The following DIAPH2 variants were observed in gnomAD, a reference collection of about 807,000 sequenced individuals.
DIAPH2 encodes the protein diaphanous related formin 2.
DIAPH2 carries 35 observed loss-of-function variants against 92.7 expected under a neutral mutation model. The ratio of observed to expected loss-of-function variants is 0.38; its 90% CI spans 0.29 to 0.50. The LOEUF is 0.50. DIAPH2 is among the 20% of genes least tolerant of loss of function. The pLI is 0.94. For synonymous variants in DIAPH2, 301 were observed against 280.4 expected (o/e 1.07, Z -0.73); for missense variants, 701 against 819.5 (o/e 0.86, Z 1.77).
intron 25 of DIAPH2, among the ~76,000 whole-genome samples, chrX:97,422,306 T>C (rs778946515): frequency 9.8e-4 from 109 of 111,567 alleles, no homozygotes; most frequent in African/African-American, 3.4e-3. Flanking sequence ...TAAATCTGTT[T>C]TTGTGTCTTT....
intron 13 of DIAPH2, among the ~76,000 whole-genome samples, chrX:96,945,001 C>A (rs1466120108): frequency 9.0e-6 from 1 of 110,905 alleles, no homozygotes; most frequent in Admixed American, 9.6e-5. Flanking sequence ...TTTGATTTGA[C>A]CTGAGAAGTT....
At chrX:97,466,416 A>G (rs1175675382) in intron 26 of DIAPH2, among the ~76,000 whole-genome samples, 1 of 109,627 alleles carries the variant, frequency 9.1e-6, no homozygotes, top group Non-Finnish European at 1.9e-5. Flanking sequence ...AGTTAAATCT[A>G]TAGTTAGGCA....
At chrX:96,970,184 C>T (rs1193634025) in intron 17 of DIAPH2, among the ~76,000 whole-genome samples, 1 of 110,757 alleles carries the variant, frequency 9.0e-6, no homozygotes. Context: ...TTTTCATGTT[C>T]TGTTGTTTCT....
rs762412679 is a variant in DIAPH2, at chrX:97,185,369, G to A, written c.2719+43575G>A. On this transcript the variant is annotated intron_variant, in intron 22 of 26. Coordinates refer to ENST00000324765, the MANE Select transcript of DIAPH2 (RefSeq NM_006729.5). The stretch of plus-strand genomic sequence containing the variant: ...TATATATATGTGTGTATATATATAT[G>A]TATATATATATGTATATATATATGT... Among the ~76,000 whole-genome samples the A allele has an allele frequency of 2.0e-3, 62 of 30,332 alleles. 5 individuals are homozygous for A. Among genetic ancestry groups the A allele is most frequent in the South Asian group, 5.5e-3 (4 of 730 alleles). 26.3% of individuals were successfully genotyped at this position (30,332 alleles called of 115,157 possible). A position where few individuals can be genotyped will look rare whatever the true frequency, so the allele number is the denominator to read the frequency against.
At chrX:97,117,272 G>A (rs1312288756) in intron 21 of DIAPH2, among the ~76,000 whole-genome samples, 1 of 111,954 alleles carries the variant, frequency 8.9e-6, no homozygotes, top group Non-Finnish European at 1.9e-5. Flanking sequence ...AAATGTAAAT[G>A]TCTAAAATGA....
At chrX:96,931,505 T>C (rs759827832) in intron 10 of DIAPH2, among the ~76,000 whole-genome samples, 1 of 111,074 alleles carries the variant, frequency 9.0e-6, no homozygotes, top group South Asian at 3.8e-4. Flanking sequence ...ACTATGGCAT[T>C]GTTCAAGACA....
At chrX:97,236,730 G>A (rs1370671999) in intron 22 of DIAPH2, among the ~76,000 whole-genome samples, 1 of 109,354 alleles carries the variant, frequency 9.1e-6, no homozygotes, top group Non-Finnish European at 1.9e-5. Context: ...ATTTTTAGTA[G>A]AGATGGGGTT....
chrX:97,306,459 G>C (rs1777361418), intron 23 of DIAPH2, among the ~76,000 whole-genome samples: 1 of 111,223 alleles, frequency 9.0e-6, no homozygotes, highest in African/African-American at 3.3e-5. Context: ...TTTTCATACA[G>C]ACCTATCATT....
intron 22 of DIAPH2, among the ~76,000 whole-genome samples, chrX:97,144,046 T>A (rs892605326): frequency 1.8e-5 from 2 of 111,160 alleles, no homozygotes; most frequent in African/African-American, 6.5e-5. Flanking sequence ...GAACATACAG[T>A]TAGGTGGAAG....
chrX:97,007,765 T>C (rs1204293361), intron 17 of DIAPH2, among the ~76,000 whole-genome samples: 7 of 95,546 alleles, frequency 7.3e-5, no homozygotes, highest in South Asian at 5.3e-4. Flanking sequence ...TTTTTTCTTT[T>C]TTTTTTTTTT....
intron 26 of DIAPH2, among the ~76,000 whole-genome samples, chrX:97,440,318 G>A (rs1351289644): frequency 9.0e-6 from 1 of 111,546 alleles, no homozygotes; most frequent in Non-Finnish European, 1.9e-5. Context: ...TGGGCCAGGC[G>A]CAGTTGCTCA....
chrX:97,101,480 C>T (rs372867384), intron 20 of DIAPH2, among the ~76,000 whole-genome samples: 3 of 110,324 alleles, frequency 2.7e-5, no homozygotes, highest in East Asian at 5.7e-4. Context: ...ACCTAGTCCC[C>T]GTATTTACTT....
At chrX:97,391,235 TATC>T (rs2069656425) in intron 25 of DIAPH2, among the ~76,000 whole-genome samples, 1 of 111,181 alleles carries the variant, frequency 9.0e-6, no homozygotes, top group Non-Finnish European at 1.9e-5. Flanking sequence ...AAGATGCTCT[TATC>T]AACTAGATGG....
intron 23 of DIAPH2, among the ~76,000 whole-genome samples, chrX:97,260,994 T>C (rs2147569874): frequency 8.9e-6 from 1 of 112,666 alleles, no homozygotes; most frequent in Admixed American, 9.4e-5. Context: ...GCAACTGCCA[T>C]GCGTTAGTCT....
chrX:97,547,245 T>A (rs375717377), intron 26 of DIAPH2, among the ~76,000 whole-genome samples: 2 of 111,542 alleles, frequency 1.8e-5, no homozygotes, highest in Admixed American at 1.9e-4. Flanking sequence ...CTCAGACTGA[T>A]GGTAAAACAA....
rs759150107 is a variant in DIAPH2 at position 96,969,635 on chromosome X, G to T, written c.2050+4428G>T. ...TTTTATGTGTTCCAGGAACCTTTTGGCAGAGTCTTTAGTGCTTTCTAGGTA... is the reference window on the plus strand; with the variant it reads ...TTTTATGTGTTCCAGGAACCTTTTGTCAGAGTCTTTAGTGCTTTCTAGGTA... On this transcript the variant is annotated intron_variant, in intron 17 of 26. Coordinates refer to ENST00000324765, the MANE Select transcript of DIAPH2 (RefSeq NM_006729.5). 3.6e-5 allele frequency among the ~76,000 whole-genome samples: 4 copies of T among 111,418 alleles called. No individual in the cohort carries two copies. In the South Asian group the frequency reaches 1.5e-3, roughly 42 times the overall value.
chrX:97,171,164 G>C (rs183614355), intron 22 of DIAPH2, among the ~76,000 whole-genome samples: 1 of 112,101 alleles, frequency 8.9e-6, no homozygotes, highest in African/African-American at 3.2e-5. Context: ...GTAAGCCACC[G>C]TACCTGGCCT....
intron 22 of DIAPH2, among the ~76,000 whole-genome samples, chrX:97,242,408 G>A (rs994114505): frequency 2.7e-5 from 3 of 109,681 alleles, no homozygotes; most frequent in African/African-American, 1.0e-4. Flanking sequence ...CTGTCGCCCA[G>A]GCTGGAGTGC....
In DIAPH2 at chrX:97,600,182, A is replaced by AAGGC. The variant is rs2071584314; in HGVS notation, c.*867_*870dup. On this transcript the variant is annotated 3_prime_UTR_variant, in exon 27 of 27. Transcript: ENST00000324765. ...TTCTATTACGTTTATTTAGATTTCA[A>AAGGC]AGGCAAATATTGATTCCTATGCTCT... 2 of 112,362 alleles carry AAGGC rather than the reference A, an allele frequency of 1.8e-5. No homozygotes were observed. The allele number at this position is 112,362 out of a possible 1,213,427, so 9.3% of individuals were successfully genotyped here. A position where few individuals can be genotyped will look rare whatever the true frequency, so the allele number is the denominator to read the frequency against.
Sources: gnomAD v4.1 joint callset for allele counts (sites outside exome capture counted in the v4.1 genomes callset) on GRCh38, gnomAD v4.1.1 for gene constraint, MANE v1.5 for transcripts, NCBI Gene and HGNC (gene_info 2026-07-23, HGNC 2026-07-21) for gene names.